Variants in MRC2 observed in about 807,000 individuals in gnomAD.
The protein encoded by MRC2 is mannose receptor C-type 2.
In MRC2, 84 loss-of-function variants were observed where a neutral mutation model predicts 206.2. That is an observed-to-expected ratio of 0.41 (90% CI 0.34 to 0.49). The LOEUF (loss-of-function observed/expected upper bound fraction) is 0.49. MRC2 is among the 20% of genes least tolerant of loss of function. MRC2 has a pLI of 0.31. For missense variants in MRC2, 1,676 were observed against 2,001.5 expected (o/e 0.84, Z 3.10); for synonymous variants, 798 against 800.0 (o/e 1.00, Z 0.04).
At position 62,672,399 on chromosome 17, in the gene MRC2, G is replaced by A. The variant is rs2088837136; in HGVS notation, c.1461+247G>A. Among the ~76,000 whole-genome samples the A allele has an allele frequency of 1.3e-5, 2 of 152,158 alleles. No homozygotes were observed. The highest frequency in any genetic ancestry group is 4.1e-4 in the South Asian group (2 of 4,826). ...GGCAAGTTACTAGAGGGTCACTGGGGAGATCAGAGGAGTTAATTCTCGTGA... is the reference window on the plus strand; with the variant it reads ...GGCAAGTTACTAGAGGGTCACTGGGAAGATCAGAGGAGTTAATTCTCGTGA... On this transcript the variant is annotated intron_variant, in intron 8 of 29. Transcript: ENST00000303375. This position sits in a 1 kb window ranked among gnomAD's most constrained non-coding sequence, Gnocchi z 4.5.
rs2089094763 is a variant in MRC2, at chr17:62,690,543, C to T, written c.3893-99C>T. 5 of 1,503,798 alleles carry T rather than the reference C, an allele frequency of 3.3e-6. No homozygotes were observed. The South Asian group carries it at 6.7e-5, about 20-fold the overall frequency. The allele number at this position is 1,503,798 out of a possible 1,614,324, so 93.2% of individuals were successfully genotyped here. ...ATGAATCCACAGACTCCACACCATC[C>T]TCTACTCAGGCTGCAGAGAAGAGGG... On this transcript the variant is annotated intron_variant, in intron 26 of 29. Coordinates refer to ENST00000303375, the MANE Select transcript of MRC2 (RefSeq NM_006039.5).
chr17:62,667,263 C>CCAGGCTTCCCGAACTGGCT lies in MRC2; in HGVS notation c.974-117_974-99dup. The CCAGGCTTCCCGAACTGGCT allele has an allele frequency of 7.8e-7, 1 of 1,276,852 alleles. No homozygotes were observed. Among genetic ancestry groups the CCAGGCTTCCCGAACTGGCT allele is most frequent in the Non-Finnish European group, 1.1e-6 (1 of 946,738 alleles). 79.1% of individuals were successfully genotyped at this position (1,276,852 alleles called of 1,614,324 possible). On this transcript the variant is annotated intron_variant, in intron 5 of 29. Coordinates refer to ENST00000303375, the MANE Select transcript of MRC2 (RefSeq NM_006039.5). The surrounding 1 kb of genome is among the most constrained non-coding windows in gnomAD (Gnocchi z 4.1). ...TCTGGGGCGGAGCTGGAGCTGAGCA[C>CCAGGCTTCCCGAACTGGCT]CAGGCTTCCCGAACTGGCTCAGGCT...
chr17:62,656,155 T>TCCTA (rs2088616995), intron 1 of MRC2, among the ~76,000 whole-genome samples: 1 of 152,152 alleles, frequency 6.6e-6, no homozygotes, highest in South Asian at 2.1e-4. Flanking sequence ...CAAGCGATTC[T>TCCTA]CCTACCTCAG....
At chr17:62,657,149 G>T (rs1345239092) in intron 1 of MRC2, among the ~76,000 whole-genome samples, 1 of 152,198 alleles carries the variant, frequency 6.6e-6, no homozygotes, top group Non-Finnish European at 1.5e-5. Flanking sequence ...ACAAGAAGGG[G>T]ATGGGAAGTT....
intron 20 of MRC2, among the ~76,000 whole-genome samples, chr17:62,683,679 C>T (rs2147486472): frequency 6.6e-6 from 1 of 151,596 alleles, no homozygotes; most frequent in Middle Eastern, 3.4e-3. Flanking sequence ...GTCTGGACAA[C>T]ATGGAGAGAC....
At chr17:62,681,995 C>A in intron 19 of MRC2, 58 bp downstream of exon 19, 3 of 1,438,766 alleles carry the variant, frequency 2.1e-6, no homozygotes, top group Non-Finnish European at 2.9e-6. Context: ...TAATGCTGGG[C>A]GAGCCTGGGC....
intron 8 of MRC2, 78 bp from the exon 9 acceptor site, chr17:62,673,985 G>A (rs1568064884): frequency 2.0e-5 from 23 of 1,166,828 alleles, no homozygotes; most frequent in East Asian, 2.6e-5. Flanking sequence ...GCCAGCTCTA[G>A]GAACCAGATT....
rs956925979 is a variant in MRC2 at position 62,664,211 on chromosome 17, G to A, written c.119-337G>A. Among the ~76,000 whole-genome samples the A allele has an allele frequency of 1.3e-5, 2 of 151,840 alleles. No individual in the cohort carries two copies. Among genetic ancestry groups the A allele is most frequent in the Non-Finnish European group, 2.9e-5 (2 of 67,952 alleles). On this transcript the variant is annotated intron_variant, in intron 1 of 29. Coordinates refer to ENST00000303375, the MANE Select transcript of MRC2 (RefSeq NM_006039.5). This position sits in a 1 kb window ranked among gnomAD's most constrained non-coding sequence, Gnocchi z 4.7. Reference sequence around the variant, plus strand: ...CCTGACCTCGTGATCCGCCCGCCTCGGCCTCCCAAAGTGCTGGGATTACAG... The same window carrying A: ...CCTGACCTCGTGATCCGCCCGCCTCAGCCTCCCAAAGTGCTGGGATTACAG...
rs1453664743 is a variant in MRC2, at chr17:62,681,097, C to T, written c.2670C>T (p.Gly890=). 1 of 1,613,474 alleles carries T rather than the reference C, an allele frequency of 6.2e-7. No individual in the cohort carries two copies. Among genetic ancestry groups the T allele is most frequent in the Non-Finnish European group, 8.5e-7 (1 of 1,180,010 alleles). The part of the protein sequence containing the change: ...SRAQEQHWWI[G]LHTSESDGRF... ...CCCAGGAGCAGCACTGGTGGATCGG[C>T]CTGCACACCTCTGAGAGCGATGGGC... Residue 890 remains glycine, a synonymous_variant, in exon 18 of 30, where the codon GGC becomes GGT. Transcript: ENST00000303375.
intron 1 of MRC2, among the ~76,000 whole-genome samples, chr17:62,646,456 G>A (rs1421039081): frequency 1.3e-5 from 2 of 152,202 alleles, no homozygotes; most frequent in East Asian, 3.8e-4. Flanking sequence ...ACCATGCTGG[G>A]CAGGTCATTT....
intron 1 of MRC2, among the ~76,000 whole-genome samples, chr17:62,647,663 G>A (rs1258333471): frequency 1.3e-5 from 2 of 152,178 alleles, no homozygotes; most frequent in African/African-American, 4.8e-5. Context: ...AAATAATGCT[G>A]TGTGGCTAAA....
At chr17:62,663,842 T>C (rs1216549534) in intron 1 of MRC2, among the ~76,000 whole-genome samples, 2 of 152,050 alleles carry the variant, frequency 1.3e-5, no homozygotes, top group Non-Finnish European at 2.9e-5. Flanking sequence ...AACCACGCCA[T>C]GTAATAGAGA....
chr17:62,645,527 AT>A (rs1164231785), intron 1 of MRC2, among the ~76,000 whole-genome samples: 36 of 39,522 alleles, frequency 9.1e-4, no homozygotes, highest in Admixed American at 2.3e-3. Flanking sequence ...ATATATATAT[AT>A]TTTTTTTTTT....
chr17:62,671,826 A>T lies in MRC2; in HGVS notation c.1295A>T (p.Gln432Leu). Residue 432 changes from glutamine to leucine, a missense_variant, in exon 7 of 30, where the codon CAG becomes CTG. Coordinates refer to ENST00000303375, the MANE Select transcript of MRC2 (RefSeq NM_006039.5). The surrounding 1 kb of genome is among the most constrained non-coding windows in gnomAD (Gnocchi z 4.5). Reference protein sequence around the residue: ...SMAELEFITKQIKQEVEELWI... With the variant: ...SMAELEFITKLIKQEVEELWI... The stretch of plus-strand genomic sequence containing the variant: ...GCGGAGCTGGAATTCATCACCAAGC[A>T]GATCAAGCAAGGTGAGGAGCTGCCC... 1 of 1,597,638 alleles carries T rather than the reference A, an allele frequency of 6.3e-7. No homozygotes were observed. The highest frequency in any genetic ancestry group is 8.6e-7 in the Non-Finnish European group (1 of 1,169,176).
chr17:62,671,725 C>G lies in MRC2; in HGVS notation c.1194C>G (p.Ala398=), dbSNP rs141657044. 6.2e-7 allele frequency: 1 copy of G among 1,612,896 alleles called. No individual in the cohort carries two copies. The highest frequency in any genetic ancestry group is 8.5e-7 in the Non-Finnish European group (1 of 1,179,558). ...PFQGHCYRLQ[A]EKRSWQESKK... is the part of the protein sequence containing the mutation. ...AGGGCCACTGCTACCGCCTGCAGGCCGAGAAGCGCAGCTGGCAGGAGTCCA... is the reference window on the plus strand; with the variant it reads ...AGGGCCACTGCTACCGCCTGCAGGCGGAGAAGCGCAGCTGGCAGGAGTCCA... Residue 398 remains alanine, a synonymous_variant, in exon 7 of 30, where the codon GCC becomes GCG. Coordinates refer to ENST00000303375, the MANE Select transcript of MRC2 (RefSeq NM_006039.5). This position sits in a 1 kb window ranked among gnomAD's most constrained non-coding sequence, Gnocchi z 4.5.
intron 1 of MRC2, among the ~76,000 whole-genome samples, chr17:62,662,780 T>G (rs1045614988): frequency 6.6e-6 from 1 of 151,888 alleles, no homozygotes; most frequent in Non-Finnish European, 1.5e-5. Flanking sequence ...GGTGTGGTGG[T>G]GCATGCCTGT....
At chr17:62,690,553 G>T in intron 26 of MRC2, 89 bp from the exon 27 acceptor site, 1 of 1,500,878 alleles carries the variant, frequency 6.7e-7, no homozygotes, top group Admixed American at 2.2e-5. Flanking sequence ...CTCTACTCAG[G>T]CTGCAGAGAA....
rs2089125491 is a variant in MRC2, at chr17:62,692,499, G to C, written c.*48G>C. On this transcript the variant is annotated 3_prime_UTR_variant, in exon 30 of 30. Transcript: ENST00000303375. This position sits in a 1 kb window ranked among gnomAD's most constrained non-coding sequence, Gnocchi z 4.2. ...AGGGCGGGAGGAGCTGGGGAGCTGG[G>C]GCCCTGGGTCAGTCTGGCCCCCCAC... is the stretch of plus-strand genomic sequence containing the variant. 2 of 1,519,878 alleles carry C rather than the reference G, an allele frequency of 1.3e-6. No homozygotes were observed. Among genetic ancestry groups the C allele is most frequent in the Admixed American group, 2.0e-5 (1 of 50,384 alleles). The allele number at this position is 1,519,878 out of a possible 1,614,324, so 94.1% of individuals were successfully genotyped here. A position where few individuals can be genotyped will look rare whatever the true frequency, so the allele number is the denominator to read the frequency against.
Position 62,689,554 on chromosome 17 carries a change from C to A in MRC2, c.3367C>A (p.Pro1123Thr), listed in dbSNP as rs779128857. The change falls in exon 24 of 30, where the codon CCC becomes ACC. Residue 1123 changes from proline to threonine, a missense_variant. By Grantham distance (38) the Pro-to-Thr change is conservative. Around this residue, in one of 3 missense-constraint regions of MRC2, gnomAD observed 1,354 missense variants for 1,636.6 expected, o/e 0.83. Transcript: ENST00000303375. ...PSLSPSPAAL[P>T]PAPGTELSYL... is the part of the protein sequence containing the mutation. ...CCTGAGCCCGTCCCCAGCAGCGCTG[C>A]CCCCCGCCCCGGGCACTGAGCTCTC... 26 of 1,592,700 alleles carry A rather than the reference C, an allele frequency of 1.6e-5. No individual in the cohort carries two copies. The highest frequency in any genetic ancestry group is 3.4e-5 in the Admixed American group (2 of 58,548).
Sources: gnomAD v4.1 joint callset for allele counts (sites outside exome capture counted in the v4.1 genomes callset) on GRCh38, gnomAD v4.1.1 for gene constraint, gnomAD v4.1.1 regional missense constraint, Gnocchi (gnomAD v3.1) non-coding constraint, MANE v1.5 for transcripts, NCBI Gene and HGNC (gene_info 2026-07-23, HGNC 2026-07-21) for gene names.